DGKI: variants seen among roughly 807,000 people sequenced by gnomAD.
DGKI encodes diacylglycerol kinase iota.
Under a neutral mutation model 147.5 loss-of-function variants are expected in DGKI, and 55 were observed. The ratio of observed to expected loss-of-function variants is 0.37; its 90% CI spans 0.30 to 0.47. DGKI has a LOEUF of 0.47. Ranked by LOEUF, DGKI falls within the 20% of genes least tolerant of loss-of-function variation. DGKI has a pLI of 1.00. For missense variants in DGKI, 1,007 were observed against 1,323.8 expected, an observed-to-expected ratio of 0.76 and a Z score of 3.71; for synonymous variants, 469 against 477.1, an observed-to-expected ratio of 0.98 and a Z score of 0.22.
intron 29 of DGKI, among the ~76,000 whole-genome samples, chr7:137,411,244 T>G (rs1812151484): frequency 6.6e-6 from 1 of 152,088 alleles, no homozygotes. Flanking sequence ...CAGCAGGGGG[T>G]TTGCAGGGGC....
intron 19 of DGKI, 42 bp from the exon 20 acceptor site, chr7:137,552,610 T>C (rs1646372): frequency 0.039 from 62,300 of 1,603,306 alleles, 5,397 homozygotes; most frequent in African/African-American, 0.3. Flanking sequence ...AGTTAGTTAT[T>C]ATTTAAGAAA....
chr7:137,471,295 G>A (rs755073371), intron 23 of DGKI, among the ~76,000 whole-genome samples: 13 of 152,184 alleles, frequency 8.5e-5, no homozygotes, highest in Non-Finnish European at 1.6e-4. Context: ...CTGGGGTGCG[G>A]CTGTGCAGGC....
chr7:137,513,777 A>G, intron 21 of DGKI: 1 of 543,074 alleles, frequency 1.8e-6, no homozygotes. Context: ...AAAATACCTA[A>G]ACATAGAAAA....
intron 1 of DGKI, among the ~76,000 whole-genome samples, chr7:137,825,221 C>T (rs10257218): frequency 0.23 from 34,553 of 152,076 alleles, 9,406 homozygotes; most frequent in African/African-American, 0.66. Flanking sequence ...TATTTAACAA[C>T]GAAACCCAAA....
intron 11 of DGKI, 99 bp downstream of exon 11, chr7:137,599,724 A>G: frequency 9.7e-7 from 1 of 1,031,976 alleles, no homozygotes; most frequent in Non-Finnish European, 1.5e-6. Context: ...TAGATGACAG[A>G]TGGTCAGGAT....
chr7:137,803,867 C>T (rs1030106086), intron 1 of DGKI, among the ~76,000 whole-genome samples: 1 of 152,198 alleles, frequency 6.6e-6, no homozygotes, highest in Non-Finnish European at 1.5e-5. Flanking sequence ...TGGCCCAGGT[C>T]CCATCCCTAA....
At chr7:137,668,977 A>G (rs116287103) in intron 3 of DGKI, among the ~76,000 whole-genome samples, 1,859 of 152,290 alleles carry the variant, frequency 0.012, 37 homozygotes, top group African/African-American at 0.043. Context: ...GCTGTTATAT[A>G]TGCATTAACT....
At chr7:137,838,095 C>T (rs552216830) in intron 1 of DGKI, among the ~76,000 whole-genome samples, 112 of 151,216 alleles carry the variant, frequency 7.4e-4, no homozygotes, top group African/African-American at 2.6e-3. Flanking sequence ...CTCCGCCTCC[C>T]GGGTTCAAGC....
intron 1 of DGKI, among the ~76,000 whole-genome samples, chr7:137,743,596 AACAC>A (rs1795240971): frequency 6.6e-6 from 1 of 152,214 alleles, no homozygotes; most frequent in South Asian, 2.1e-4. Flanking sequence ...TGAAAACAGA[AACAC>A]AACATACCAA....
At chr7:137,722,364 G>C in intron 1 of DGKI, 2 of 1,612,950 alleles carry the variant, frequency 1.2e-6, no homozygotes, top group South Asian at 1.1e-5. Context: ...GAAAGCTGTT[G>C]AGCCACAGCA....
At chr7:137,518,063 TGACC>T (rs1816841035) in intron 21 of DGKI, among the ~76,000 whole-genome samples, 1 of 152,064 alleles carries the variant, frequency 6.6e-6, no homozygotes, top group Non-Finnish European at 1.5e-5. Context: ...TCAGCCTCTA[TGACC>T]TACTTTGAGT....
At chr7:137,544,489 A>C (rs777872907) in intron 20 of DGKI, among the ~76,000 whole-genome samples, 12 of 152,222 alleles carry the variant, frequency 7.9e-5, no homozygotes, top group Non-Finnish European at 1.5e-4. Flanking sequence ...AGAGCATAAA[A>C]TACTGTCTGG....
intron 28 of DGKI, among the ~76,000 whole-genome samples, chr7:137,420,471 T>TG (rs985888970): frequency 5.9e-5 from 9 of 152,142 alleles, no homozygotes; most frequent in African/African-American, 1.9e-4. Flanking sequence ...TTGTCAGTGT[T>TG]GGGAAAGGGG....
At chr7:137,675,417 G>A (rs1379334993) in intron 3 of DGKI, among the ~76,000 whole-genome samples, 2 of 152,196 alleles carry the variant, frequency 1.3e-5, no homozygotes, top group East Asian at 3.8e-4. Context: ...AGGTGTGGTA[G>A]CTCATGCCTG....
At chr7:137,620,259 C>A (rs942547391) in intron 7 of DGKI, among the ~76,000 whole-genome samples, 4 of 152,072 alleles carry the variant, frequency 2.6e-5, no homozygotes, top group Non-Finnish European at 5.9e-5. Context: ...ACTTTCTAAT[C>A]GTTGCATGGA....
At chr7:137,579,353 C>T (rs982336175) in intron 15 of DGKI, among the ~76,000 whole-genome samples, 6 of 150,712 alleles carry the variant, frequency 4.0e-5, no homozygotes, top group African/African-American at 2.5e-5. Context: ...CTTGCTTATC[C>T]TGTTTTTTCT....
intron 1 of DGKI, among the ~76,000 whole-genome samples, chr7:137,723,586 AAAC>A (rs146988997): frequency 0.012 from 1,861 of 152,296 alleles, 51 homozygotes; most frequent in African/African-American, 0.042. Flanking sequence ...GAGACGAGTC[AAAC>A]AACAAACAAA....
chr7:137,766,596 T>A (rs771910180), intron 1 of DGKI, among the ~76,000 whole-genome samples: 1 of 152,168 alleles, frequency 6.6e-6, no homozygotes, highest in Non-Finnish European at 1.5e-5. Flanking sequence ...GGAAGTGTCA[T>A]GGACTTCCTC....
At chr7:137,826,725 G>A (rs1334783036) in intron 1 of DGKI, among the ~76,000 whole-genome samples, 2 of 152,104 alleles carry the variant, frequency 1.3e-5, no homozygotes, top group Non-Finnish European at 1.5e-5. Flanking sequence ...GGAAGGGGGC[G>A]GCGGGGGCAG....
Sources: gnomAD v4.1 joint callset for allele counts (sites outside exome capture counted in the v4.1 genomes callset) on GRCh38, gnomAD v4.1.1 for gene constraint, MANE v1.5 for transcripts, NCBI Gene and HGNC (gene_info 2026-07-23, HGNC 2026-07-21) for gene names.